The following MTUS2 variants were observed in gnomAD, a reference collection of about 807,000 sequenced individuals.
The protein encoded by MTUS2 is microtubule-associated tumor suppressor candidate 2.
MTUS2 carries 40 observed loss-of-function variants against 114.1 expected under a neutral mutation model. That is an observed-to-expected ratio of 0.35 (90% CI 0.27 to 0.46). The LOEUF is 0.46. Ranked by LOEUF, MTUS2 falls within the 20% of genes least tolerant of loss-of-function variation. The pLI is 1.00. For missense variants in MTUS2, 1,679 were observed against 1,705.4 expected (o/e 0.98, Z 0.27); for synonymous variants, 688 against 672.0 (o/e 1.02, Z -0.37).
At chr13:29,376,670 C>A (rs902340690) in intron 8 of MTUS2, among the ~76,000 whole-genome samples, 8 of 152,216 alleles carry the variant, frequency 5.3e-5, no homozygotes, top group African/African-American at 1.7e-4. Flanking sequence ...CAGCCACATT[C>A]ATTACTTTGC....
In MTUS2 at chr13:29,143,647, G is replaced by A. The variant is rs76968136; in HGVS notation, c.2644+42677G>A. 2.5e-3 allele frequency among the ~76,000 whole-genome samples: 379 copies of A among 152,234 alleles called. 1 individual carries two copies. The highest frequency in any genetic ancestry group is 8.5e-3 in the African/African-American group (352 of 41,532). On this transcript the variant is annotated intron_variant, in intron 5 of 15. Transcript: ENST00000612955. The stretch of plus-strand genomic sequence containing the variant: ...TTTCCTCATAGAATGGAGTTGATGG[G>A]GTGCCTCAGGAATTGGTGCCTAGTA...
chr13:29,137,783 ATT>A (rs11288473), intron 5 of MTUS2, among the ~76,000 whole-genome samples: 14,644 of 144,296 alleles, frequency 0.1, 831 homozygotes, highest in Non-Finnish European at 0.13. Context: ...TGCCTGGTTA[ATT>A]TTTTTTTTTT....
At chr13:29,395,913 G>T (rs997726750) in intron 8 of MTUS2, among the ~76,000 whole-genome samples, 3 of 152,306 alleles carry the variant, frequency 2.0e-5, no homozygotes, top group East Asian at 1.9e-4. Context: ...GGAAGGAAAA[G>T]AATCCTTTTT....
chr13:29,334,604 CCTGA>C (rs1219980116), intron 7 of MTUS2, among the ~76,000 whole-genome samples: 1 of 152,124 alleles, frequency 6.6e-6, no homozygotes, highest in East Asian at 1.9e-4. Context: ...TTGTGGGTAA[CCTGA>C]CTTTTGTCTG....
intron 5 of MTUS2, among the ~76,000 whole-genome samples, chr13:29,178,165 G>T (rs892509433): frequency 5.3e-5 from 8 of 152,052 alleles, no homozygotes; most frequent in African/African-American, 1.9e-4. Context: ...TGGCATATAG[G>T]TCTGATCACG....
chr13:29,233,764 T>TG (rs1896428361), intron 5 of MTUS2, among the ~76,000 whole-genome samples: 1 of 152,156 alleles, frequency 6.6e-6, no homozygotes, highest in African/African-American at 2.4e-5. Context: ...ACCTGGAGAT[T>TG]GACAGGAAAG....
chr13:29,073,118 A>T (rs967621241), intron 4 of MTUS2, among the ~76,000 whole-genome samples: 2 of 152,146 alleles, frequency 1.3e-5, no homozygotes, highest in Admixed American at 1.3e-4. Flanking sequence ...TCTGGGTTAT[A>T]TGCAGTCACT....
rs957836941 is a variant in MTUS2, at chr13:28,820,453, T to G, written c.-474T>G. The G allele has an allele frequency of 6.6e-6, 1 of 152,142 alleles. No homozygotes were observed. Among genetic ancestry groups the G allele is most frequent in the African/African-American group, 2.4e-5 (1 of 41,440 alleles). 9.4% of individuals were successfully genotyped at this position (152,142 alleles called of 1,614,324 possible). ...TATCTCCCCCCTTCTGCGGAAACCCTTGACCGCTTAGCGGAGTACAGACCT... is the reference window on the plus strand; with the variant it reads ...TATCTCCCCCCTTCTGCGGAAACCCGTGACCGCTTAGCGGAGTACAGACCT... On this transcript the variant is annotated 5_prime_UTR_variant, in exon 1 of 16. Transcript: ENST00000612955.
chr13:29,285,433 T>C (rs1434025671), intron 6 of MTUS2, among the ~76,000 whole-genome samples: 1 of 152,170 alleles, frequency 6.6e-6, no homozygotes, highest in Non-Finnish European at 1.5e-5. Flanking sequence ...ATGAATGAGT[T>C]GATAAAAGCA....
At chr13:29,060,291 A>C (rs1888349474) in intron 4 of MTUS2, among the ~76,000 whole-genome samples, 1 of 151,986 alleles carries the variant, frequency 6.6e-6, no homozygotes. Context: ...TCAATTTAGA[A>C]GCATAGGGGT....
chr13:29,096,188 G>A (rs1890171264), intron 4 of MTUS2, among the ~76,000 whole-genome samples: 1 of 152,050 alleles, frequency 6.6e-6, no homozygotes, highest in African/African-American at 2.4e-5. Flanking sequence ...TATTTCCCTT[G>A]CACTGTGAAT....
chr13:29,442,203 T>C lies in MTUS2; in HGVS notation c.3184+2154T>C, dbSNP rs151082343. Among the ~76,000 whole-genome samples the C allele has an allele frequency of 4.6e-5, 7 of 152,084 alleles. No individual in the cohort carries two copies. The East Asian group carries it at 1.4e-3, about 29-fold the overall frequency. On this transcript the variant is annotated intron_variant, in intron 9 of 15. Coordinates refer to ENST00000612955, the MANE Select transcript of MTUS2 (RefSeq NM_001033602.4). Reference sequence around the variant, plus strand: ...GCAGCTCAGAGGCCTAGGGTAGAGGTTCCAAAATTCTCAATTCACAGCGAC... The same window carrying C: ...GCAGCTCAGAGGCCTAGGGTAGAGGCTCCAAAATTCTCAATTCACAGCGAC...
intron 5 of MTUS2, among the ~76,000 whole-genome samples, chr13:29,160,598 G>C (rs1245012444): frequency 6.6e-6 from 1 of 152,060 alleles, no homozygotes; most frequent in Non-Finnish European, 1.5e-5. Context: ...GCAAAACCCT[G>C]TCTTTACTAA....
chr13:29,011,973 C>G (rs981666895), intron 2 of MTUS2, among the ~76,000 whole-genome samples: 9 of 152,136 alleles, frequency 5.9e-5, no homozygotes, highest in African/African-American at 2.2e-4. Context: ...TGAAGGAGCC[C>G]TGTGTAAAGT....
intron 5 of MTUS2, among the ~76,000 whole-genome samples, chr13:29,247,251 T>C (rs1386845935): frequency 6.6e-6 from 1 of 152,154 alleles, no homozygotes; most frequent in East Asian, 1.9e-4. Context: ...TCTTACCTTA[T>C]ACAAAAATCA....
intron 5 of MTUS2, among the ~76,000 whole-genome samples, chr13:29,105,129 C>A (rs60052098): frequency 0.025 from 3,789 of 152,230 alleles, 172 homozygotes; most frequent in African/African-American, 0.086. Flanking sequence ...AGTTGCTCAA[C>A]TGGTATAATA....
Position 28,908,276 on chromosome 13 carries a change from C to T in MTUS2, c.-243+68426C>T, listed in dbSNP as rs1359864668. On this transcript the variant is annotated intron_variant, in intron 2 of 15. Transcript: ENST00000612955. ...ATTTAACATTAGGTATATCTCCAAA[C>T]GCTATCCCTTCCACCTCCCCCAACC... Among the ~76,000 whole-genome samples, 9 of 151,382 alleles carry T rather than the reference C, an allele frequency of 5.9e-5. 1 individual carries two copies. Among genetic ancestry groups the T allele is most frequent in the Non-Finnish European group, 1.2e-4 (8 of 67,922 alleles).
intron 9 of MTUS2, among the ~76,000 whole-genome samples, chr13:29,441,787 A>C (rs1231277605): frequency 6.6e-6 from 1 of 152,120 alleles, no homozygotes; most frequent in Non-Finnish European, 1.5e-5. Context: ...ATGTGTGCAC[A>C]CACACATGCA....
At chr13:28,930,211 A>G (rs574861995) in intron 2 of MTUS2, among the ~76,000 whole-genome samples, 4 of 152,248 alleles carry the variant, frequency 2.6e-5, no homozygotes, top group Non-Finnish European at 5.9e-5. Flanking sequence ...TCTTTTAAAT[A>G]GAAGATTCTC....
Sources: gnomAD v4.1 joint callset for allele counts (sites outside exome capture counted in the v4.1 genomes callset) on GRCh38, gnomAD v4.1.1 for gene constraint, MANE v1.5 for transcripts, NCBI Gene and HGNC (gene_info 2026-07-23, HGNC 2026-07-21) for gene names.